CSMD1: variants seen among roughly 807,000 people sequenced by gnomAD.
CSMD1 encodes CUB and Sushi multiple domains 1.
Under a neutral mutation model 417.5 loss-of-function variants are expected in CSMD1, and 213 were observed. The ratio of observed to expected loss-of-function variants is 0.51; its 90% CI spans 0.46 to 0.57. The LOEUF (loss-of-function observed/expected upper bound fraction) is 0.57. Ranked by LOEUF, CSMD1 falls within the 20% of genes least tolerant of loss-of-function variation. The pLI is 0.00. For synonymous variants in CSMD1, 2,862 were observed against 1,736.8 expected (o/e 1.65, Z -16.11); for missense variants, 6,923 against 4,529.7 (o/e 1.53, Z -15.17).
At chr8:3,584,410 G>T (rs900128405) in intron 9 of CSMD1, among the ~76,000 whole-genome samples, 1 of 152,194 alleles carries the variant, frequency 6.6e-6, no homozygotes, top group Non-Finnish European at 1.5e-5. Context: ...ACGAGAACAG[G>T]AAACCACAAA....
intron 40 of CSMD1, among the ~76,000 whole-genome samples, chr8:3,144,822 G>C (rs952020609): frequency 7.3e-6 from 1 of 137,266 alleles, no homozygotes; most frequent in African/African-American, 2.8e-5. Context: ...GGAGGGAGAA[G>C]GGGTAAGGGA....
chr8:4,401,713 T>C (rs921473925), intron 3 of CSMD1, among the ~76,000 whole-genome samples: 5 of 152,100 alleles, frequency 3.3e-5, no homozygotes, highest in Non-Finnish European at 5.9e-5. Context: ...TCCTCCTTCT[T>C]TGAGAATTCC....
intron 3 of CSMD1, among the ~76,000 whole-genome samples, chr8:4,160,434 T>A (rs547981065): frequency 1.3e-5 from 2 of 152,270 alleles, no homozygotes; most frequent in Admixed American, 6.5e-5. Flanking sequence ...TAGTCCAGAA[T>A]AAAGAATATA....
At chr8:4,460,780 T>C (rs1407454678) in intron 2 of CSMD1, among the ~76,000 whole-genome samples, 2 of 152,162 alleles carry the variant, frequency 1.3e-5, no homozygotes, top group Non-Finnish European at 2.9e-5. Flanking sequence ...AAGGTAGTAA[T>C]TTTAAAATTA....
chr8:3,656,815 T>C (rs1466415339), intron 7 of CSMD1, among the ~76,000 whole-genome samples: 1 of 151,936 alleles, frequency 6.6e-6, no homozygotes, highest in African/African-American at 2.4e-5. Flanking sequence ...GTCCCAGCTA[T>C]TCAGGAGGCT....
chr8:2,989,236 C>T (rs940512320), intron 54 of CSMD1, among the ~76,000 whole-genome samples: 3 of 152,068 alleles, frequency 2.0e-5, no homozygotes, highest in African/African-American at 7.2e-5. Context: ...GCCATTGTTT[C>T]CTGAAGCTTC....
At chr8:4,238,639 G>A (rs1020639811) in intron 3 of CSMD1, among the ~76,000 whole-genome samples, 2 of 152,228 alleles carry the variant, frequency 1.3e-5, no homozygotes, top group African/African-American at 4.8e-5. Context: ...AAACCAATGA[G>A]GTCATTCCTG....
chr8:4,238,300 T>C (rs891226213), intron 3 of CSMD1, among the ~76,000 whole-genome samples: 1 of 152,188 alleles, frequency 6.6e-6, no homozygotes, highest in Non-Finnish European at 1.5e-5. Context: ...TGCTTCCTCC[T>C]TCTCAGCTTG....
rs117837697 is a variant in CSMD1 at position 4,378,805 on chromosome 8, G to A, written c.415+41148C>T. The stretch of plus-strand genomic sequence containing the variant: ...TTACTGCCCTTGTAAGACGTCAAGG[G>A]AGCTTTTTCCCCTTCTGCCATGTGA... On this transcript the variant is annotated intron_variant, in intron 3 of 69. Transcript: ENST00000635120. 3.0e-3 allele frequency among the ~76,000 whole-genome samples: 458 copies of A among 152,204 alleles called. 23 individuals are homozygous for A. The East Asian group carries it at 0.076, about 25-fold the overall frequency.
intron 1 of CSMD1, among the ~76,000 whole-genome samples, chr8:4,677,105 CAT>C (rs1466693975): frequency 2.8e-5 from 4 of 145,286 alleles, no homozygotes; most frequent in African/African-American, 7.5e-5. Flanking sequence ...TAATATCTAT[CAT>C]ATATACATAT....
At chr8:4,375,000 A>T (rs1396570833) in intron 3 of CSMD1, among the ~76,000 whole-genome samples, 1 of 145,892 alleles carries the variant, frequency 6.9e-6, no homozygotes, top group Non-Finnish European at 1.5e-5. Flanking sequence ...GGCAAGGAGC[A>T]ATAGTGGGGA....
chr8:4,493,469 G>A (rs991674872), intron 2 of CSMD1, among the ~76,000 whole-genome samples: 2 of 152,170 alleles, frequency 1.3e-5, no homozygotes, highest in South Asian at 2.1e-4. Context: ...GCTGAGGCAA[G>A]AGGATTGCTT....
At chr8:3,375,584 C>T (rs1468482723) in intron 18 of CSMD1, among the ~76,000 whole-genome samples, 1 of 151,688 alleles carries the variant, frequency 6.6e-6, no homozygotes, top group Non-Finnish European at 1.5e-5. Flanking sequence ...ATATGTTGTT[C>T]ACATATTTAT....
At chr8:3,570,962 G>C (rs1799917957) in intron 10 of CSMD1, among the ~76,000 whole-genome samples, 1 of 152,134 alleles carries the variant, frequency 6.6e-6, no homozygotes, top group Non-Finnish European at 1.5e-5. Context: ...ATGTGCTATA[G>C]GCACATCTTT....
intron 54 of CSMD1, among the ~76,000 whole-genome samples, chr8:2,993,252 G>C (rs1325713974): frequency 6.6e-6 from 1 of 152,180 alleles, no homozygotes; most frequent in African/African-American, 2.4e-5. Context: ...TTAAATTGGA[G>C]ACACTTTTCC....
chr8:2,977,093 C>T (rs887602939), intron 55 of CSMD1, among the ~76,000 whole-genome samples: 1 of 151,598 alleles, frequency 6.6e-6, no homozygotes, highest in African/African-American at 2.4e-5. Context: ...TTAATAACAA[C>T]TTTATTCATT....
intron 5 of CSMD1, among the ~76,000 whole-genome samples, chr8:3,784,606 G>A (rs749844731): frequency 8.5e-5 from 13 of 152,096 alleles, no homozygotes; most frequent in Admixed American, 1.3e-4. Context: ...ATATGCTTTA[G>A]CAAAGAACAG....
rs575595530 is a variant in CSMD1, at chr8:3,567,323, G to A, written c.1344+7622C>T. Reference sequence around the variant, plus strand: ...CAGAAAAAACAACTGTTGGGTACTGGGCTTAATACCTGGGTGATGAATCTG... The same window carrying A: ...CAGAAAAAACAACTGTTGGGTACTGAGCTTAATACCTGGGTGATGAATCTG... On this transcript the variant is annotated intron_variant, in intron 10 of 69. Coordinates refer to ENST00000635120, the MANE Select transcript of CSMD1 (RefSeq NM_033225.6). Among the ~76,000 whole-genome samples the A allele has an allele frequency of 6.5e-4, 98 of 151,784 alleles. 1 individual carries two copies. Among genetic ancestry groups the A allele is most frequent in the Middle Eastern group, 6.9e-3 (2 of 290 alleles).
intron 18 of CSMD1, among the ~76,000 whole-genome samples, chr8:3,379,158 G>C (rs563376721): frequency 2.6e-5 from 4 of 152,258 alleles, no homozygotes; most frequent in Admixed American, 1.3e-4. Context: ...TTGCTACAAA[G>C]AGAATAAAAT....
Sources: gnomAD v4.1 joint callset for allele counts (sites outside exome capture counted in the v4.1 genomes callset) on GRCh38, gnomAD v4.1.1 for gene constraint, MANE v1.5 for transcripts, NCBI Gene and HGNC (gene_info 2026-07-23, HGNC 2026-07-21) for gene names.